The following ANXA10 variants were observed in gnomAD, a reference collection of about 807,000 sequenced individuals.
ANXA10 encodes annexin A10.
ANXA10 carries 49 observed loss-of-function variants against 53.5 expected under a neutral mutation model. The observed-to-expected ratio is 0.92, with a 90% CI of 0.73 to 1.16. ANXA10 has a LOEUF of 1.16. ANXA10 is among the 50% of genes most tolerant of loss of function. The pLI is 0.00. For synonymous variants in ANXA10, 131 were observed against 128.9 expected, an observed-to-expected ratio of 1.02 and a Z score of -0.11; for missense variants, 393 against 394.4, an observed-to-expected ratio of 1.00 and a Z score of 0.03.
Position 168,166,532 on chromosome 4 carries a change from C to T in ANXA10, c.480+1206C>T, listed in dbSNP as rs74683045. Among the ~76,000 whole-genome samples the T allele has an allele frequency of 8.3e-4, 127 of 152,104 alleles. No homozygotes were observed. The East Asian group carries it at 0.023, about 28-fold the overall frequency. On this transcript the variant is annotated intron_variant, in intron 6 of 11. Coordinates refer to ENST00000359299, the MANE Select transcript of ANXA10 (RefSeq NM_007193.5). ...TCAGGAATGCAAAGAGAAAGAGGGT[C>T]AGTGTTCAGCTCTTAATTTCTAAAA...
chr4:168,158,414 G>A (rs1249896534), intron 3 of ANXA10, among the ~76,000 whole-genome samples: 1 of 152,018 alleles, frequency 6.6e-6, no homozygotes, highest in East Asian at 1.9e-4. Flanking sequence ...AAAATTTAAG[G>A]TTTTTATTTC....
intron 3 of ANXA10, among the ~76,000 whole-genome samples, chr4:168,156,852 G>A (rs1323071313): frequency 1.3e-5 from 2 of 151,918 alleles, no homozygotes; most frequent in Non-Finnish European, 2.9e-5. Context: ...GGAGTAAAGG[G>A]ACAAACACCT....
chr4:168,150,957 G>GA (rs1263441442), intron 3 of ANXA10, among the ~76,000 whole-genome samples: 2 of 152,186 alleles, frequency 1.3e-5, no homozygotes, highest in Non-Finnish European at 2.9e-5. Flanking sequence ...TCTTAGGAAA[G>GA]AAAGGCAGTG....
chr4:168,132,018 G>T (rs1052287132), intron 2 of ANXA10, among the ~76,000 whole-genome samples: 4 of 152,000 alleles, frequency 2.6e-5, no homozygotes, highest in Non-Finnish European at 5.9e-5. Flanking sequence ...CTTGTACATT[G>T]TTTCTGGGAA....
At chr4:168,167,106 G>A (rs996804804) in intron 6 of ANXA10, among the ~76,000 whole-genome samples, 15 of 152,128 alleles carry the variant, frequency 9.9e-5, no homozygotes, top group African/African-American at 3.6e-4. Context: ...TATTGGATTT[G>A]TTTTTAATCT....
chr4:168,142,500 C>T (rs535497986), intron 3 of ANXA10, among the ~76,000 whole-genome samples: 2 of 152,308 alleles, frequency 1.3e-5, no homozygotes, highest in East Asian at 3.9e-4. Flanking sequence ...CAAGACCTCA[C>T]AGCCCCCCAC....
intron 2 of ANXA10, among the ~76,000 whole-genome samples, chr4:168,136,174 G>C (rs913788205): frequency 5.9e-5 from 9 of 152,094 alleles, no homozygotes; most frequent in Admixed American, 5.2e-4. Flanking sequence ...TCCAACACTG[G>C]GGATTAGAAT....
intron 1 of ANXA10, among the ~76,000 whole-genome samples, chr4:168,109,119 G>C (rs969978972): frequency 1.3e-5 from 2 of 152,080 alleles, no homozygotes; most frequent in Non-Finnish European, 2.9e-5. Flanking sequence ...TTAAAATCTT[G>C]TTATGGTGCT....
chr4:168,104,380 G>T (rs1730686235), intron 1 of ANXA10, among the ~76,000 whole-genome samples: 1 of 151,744 alleles, frequency 6.6e-6, no homozygotes, highest in South Asian at 2.1e-4. Flanking sequence ...TGTTGATTTG[G>T]TTTTGGTATT....
At chr4:168,117,019 GTTA>G (rs1350832053) in intron 1 of ANXA10, among the ~76,000 whole-genome samples, 6 of 36,456 alleles carry the variant, frequency 1.6e-4, no homozygotes, top group South Asian at 8.7e-4. Flanking sequence ...ACTATGTGGT[GTTA>G]TTAACAGCTT....
chr4:168,146,644 G>C (rs948397511), intron 3 of ANXA10, among the ~76,000 whole-genome samples: 10 of 152,308 alleles, frequency 6.6e-5, no homozygotes, highest in African/African-American at 2.4e-4. Flanking sequence ...AGCAACGCAG[G>C]CTGGATCAGC....
intron 1 of ANXA10, among the ~76,000 whole-genome samples, chr4:168,093,954 A>G (rs1332820370): frequency 3.3e-5 from 5 of 152,120 alleles, no homozygotes; most frequent in African/African-American, 1.2e-4. Flanking sequence ...ATTAATTGTA[A>G]GGTGGTTATA....
Position 168,162,555 on chromosome 4 carries a change from C to T in ANXA10, c.223C>T (p.Leu75Phe), listed in dbSNP as rs751709412. 3 of 1,613,894 alleles carry T rather than the reference C, an allele frequency of 1.9e-6. No homozygotes were observed. In the South Asian group the frequency reaches 3.3e-5, roughly 18 times the overall value. The change falls in exon 4 of 12, where the codon CTT becomes TTT. Residue 75 changes from leucine to phenylalanine, a missense_variant. Leu to Phe is a conservative substitution (Grantham distance 22). Coordinates refer to ENST00000359299, the MANE Select transcript of ANXA10 (RefSeq NM_007193.5). Reference protein sequence around the residue: ...RDLIGDMREQLSDHFKDVMAG... With the variant: ...RDLIGDMREQFSDHFKDVMAG... The stretch of plus-strand genomic sequence containing the variant: ...CCTGATTGGGGATATGAGGGAGCAG[C>T]TTTCGGATCACTTCAAAGATGTGAT...
At chr4:168,155,587 TATATATAATTATATA>T (rs1731607954) in intron 3 of ANXA10, among the ~76,000 whole-genome samples, 3 of 59,300 alleles carry the variant, frequency 5.1e-5, no homozygotes, top group South Asian at 4.8e-4. Context: ...ATATTATAAA[TATATATAATTATATA>T]ATATATAATT....
At chr4:168,157,518 C>T (rs962686849) in intron 3 of ANXA10, among the ~76,000 whole-genome samples, 1 of 152,150 alleles carries the variant, frequency 6.6e-6, no homozygotes, top group South Asian at 2.1e-4. Context: ...CCTGTCTCAG[C>T]CTCCCAAAGT....
chr4:168,114,296 CAG>C (rs1183521529), intron 1 of ANXA10, among the ~76,000 whole-genome samples: 1 of 151,706 alleles, frequency 6.6e-6, no homozygotes, highest in East Asian at 1.9e-4. Flanking sequence ...ATTTTTTAGA[CAG>C]AGTCTTGCTC....
intron 1 of ANXA10, among the ~76,000 whole-genome samples, chr4:168,106,072 C>T (rs1261026712): frequency 6.6e-6 from 1 of 151,772 alleles, no homozygotes; most frequent in Admixed American, 6.6e-5. Context: ...GCAAAAGTTT[C>T]TCCCATTCTG....
At chr4:168,156,104 A>T (rs1401508297) in intron 3 of ANXA10, among the ~76,000 whole-genome samples, 5 of 28,432 alleles carry the variant, frequency 1.8e-4, no homozygotes, top group East Asian at 1.1e-3. Context: ...ATTATATATA[A>T]ATATTATATT....
intron 1 of ANXA10, among the ~76,000 whole-genome samples, chr4:168,115,497 G>GCACACACACACA: frequency 7.3e-6 from 1 of 136,528 alleles, no homozygotes; most frequent in South Asian, 2.6e-4. Flanking sequence ...CAATACACAC[G>GCACACACACACA]CACACACACA....
Sources: allele counts gnomAD v4.1 joint callset (sites outside exome capture counted in the v4.1 genomes callset), GRCh38; gene constraint gnomAD v4.1.1; transcripts MANE v1.5; gene names NCBI Gene and HGNC (gene_info 2026-07-23, HGNC 2026-07-21).